PIAS2: variants seen among roughly 807,000 people sequenced by gnomAD.
PIAS2 encodes the protein protein inhibitor of activated STAT 2, also known as E3 SUMO-protein ligase PIAS2.
A neutral mutation model predicts 69.7 loss-of-function variants in PIAS2; 19 were observed. The ratio of observed to expected loss-of-function variants is 0.27; its 90% CI spans 0.19 to 0.40. The LOEUF is 0.40. PIAS2 is among the 10% of genes least tolerant of loss of function. PIAS2 has a pLI of 1.00. For missense variants in PIAS2, 624 were observed against 757.0 expected (o/e 0.82, Z 2.06); for synonymous variants, 261 against 263.2 (o/e 0.99, Z 0.08).
intron 10 of PIAS2, among the ~76,000 whole-genome samples, chr18:46,829,108 C>T (rs1364027115): frequency 2.6e-5 from 4 of 152,126 alleles, no homozygotes; most frequent in African/African-American, 7.2e-5. Flanking sequence ...TCTAAGTTCA[C>T]GTGTGGGTTT....
chr18:46,864,904 A>C (rs2145615222), intron 2 of PIAS2, among the ~76,000 whole-genome samples: 1 of 152,256 alleles, frequency 6.6e-6, no homozygotes, highest in Admixed American at 6.5e-5. Flanking sequence ...TCAAGAATTA[A>C]ATGTTTTTTG....
chr18:46,878,706 T>A (rs890830994), intron 2 of PIAS2, among the ~76,000 whole-genome samples: 3 of 152,092 alleles, frequency 2.0e-5, no homozygotes, highest in Non-Finnish European at 4.4e-5. Context: ...CCGTCTCTAA[T>A]AAAAATACAA....
intron 1 of PIAS2, among the ~76,000 whole-genome samples, chr18:46,909,266 C>G (rs1784783757): frequency 6.7e-6 from 1 of 149,548 alleles, no homozygotes; most frequent in African/African-American, 2.4e-5. Context: ...TGGGTAAAAA[C>G]TTTTTTTTTT....
chr18:46,846,341 T>C (rs952640136), intron 6 of PIAS2: 4 of 158,364 alleles, frequency 2.5e-5, no homozygotes, highest in African/African-American at 9.6e-5. Flanking sequence ...CATTTAACCA[T>C]TTCTCCCCCA....
chr18:46,835,127 T>C (rs537014741), intron 9 of PIAS2, among the ~76,000 whole-genome samples: 32 of 152,330 alleles, frequency 2.1e-4, no homozygotes, highest in Admixed American at 2.0e-3. Flanking sequence ...GCATGACATA[T>C]GTAACTCTCA....
At position 46,855,476 on chromosome 18, in the gene PIAS2, TCAAA is replaced by T. The variant is rs758715747; in HGVS notation, c.636-45_636-42del. 73 of 1,574,554 alleles carry T rather than the reference TCAAA, an allele frequency of 4.6e-5. 1 individual carries two copies. In the South Asian group the frequency reaches 7.9e-4, roughly 17 times the overall value. ...AAAAAAGTATTCTTAAATAGTGTGC[TCAAA>T]CATTCTTATATGTTTTAAAATTCAG... On this transcript the variant is annotated intron_variant, in intron 4 of 13. Coordinates refer to ENST00000585916, the MANE Select transcript of PIAS2 (RefSeq NM_004671.5).
chr18:46,916,292 C>T (rs749607980), intron 1 of PIAS2, among the ~76,000 whole-genome samples: 13 of 152,106 alleles, frequency 8.5e-5, no homozygotes, highest in Non-Finnish European at 1.9e-4. Flanking sequence ...GAACCTTTTA[C>T]CGGATTCCTC....
At chr18:46,886,417 TA>T (rs2053193960) in intron 2 of PIAS2, among the ~76,000 whole-genome samples, 1 of 152,150 alleles carries the variant, frequency 6.6e-6, no homozygotes, top group Admixed American at 6.5e-5. Flanking sequence ...AATGCCATGA[TA>T]AAGGAGGAAT....
In PIAS2 at chr18:46,812,587, C is replaced by T. The variant is rs1251083492; in HGVS notation, c.1712G>A (p.Ser571Asn). The T allele has an allele frequency of 1.9e-6, 3 of 1,612,962 alleles. No homozygotes were observed. Residue 571 changes from serine to asparagine, a missense_variant, in exon 14 of 14, where the codon AGT becomes AAT. This residue lies in a region of PIAS2 where 241 missense variants were observed against 257.3 expected (regional missense o/e 0.94). Transcript: ENST00000585916. ...PQYCPPMFLD[S>N]LTSPLTASST... ...GCTTGCTGTTAAGGGTGAGGTGAGA[C>T]TATCCAAAAACATAGGAGGACAGTA...
In PIAS2 at chr18:46,912,491, A is replaced by C. The variant is rs554857857; in HGVS notation, c.24+4831T>G. Among the ~76,000 whole-genome samples the C allele has an allele frequency of 7.2e-5, 11 of 152,344 alleles. No homozygotes were observed. In the South Asian group the frequency reaches 1.9e-3, roughly 26 times the overall value. On this transcript the variant is annotated intron_variant, in intron 1 of 13. Coordinates refer to ENST00000585916, the MANE Select transcript of PIAS2 (RefSeq NM_004671.5). ...TTGATCCAAGGTTGGTTGAAACCAA[A>C]GATAAGTCATTCACAGACATGAAGG...
At chr18:46,842,183 G>A (rs1214345261) in intron 8 of PIAS2, among the ~76,000 whole-genome samples, 1 of 148,466 alleles carries the variant, frequency 6.7e-6, no homozygotes, top group Admixed American at 6.9e-5. Flanking sequence ...CTGTGTTCAT[G>A]CTACTGCATT....
intron 2 of PIAS2, among the ~76,000 whole-genome samples, chr18:46,875,801 G>A (rs2051086919): frequency 6.6e-6 from 1 of 152,224 alleles, no homozygotes; most frequent in Non-Finnish European, 1.5e-5. Flanking sequence ...CCGCAGGCCA[G>A]AGGCCCAGAC....
rs879745694 is a variant in PIAS2 at position 46,808,124 on chromosome 18, G to A, written c.*4309C>T. 2 of 152,218 alleles carry A rather than the reference G, an allele frequency of 1.3e-5. No homozygotes were observed. The highest frequency in any genetic ancestry group is 2.9e-5 in the Non-Finnish European group (2 of 68,036). The allele number at this position is 152,218 out of a possible 1,614,324, so 9.4% of individuals were successfully genotyped here. On this transcript the variant is annotated 3_prime_UTR_variant, in exon 14 of 14. Coordinates refer to ENST00000585916, the MANE Select transcript of PIAS2 (RefSeq NM_004671.5). Reference sequence around the variant, plus strand: ...CATAAAATTAATAATAGTTGACACAGTTTTAATGACATGGAATAATGCCTG... The same window carrying A: ...CATAAAATTAATAATAGTTGACACAATTTTAATGACATGGAATAATGCCTG...
At chr18:46,818,066 C>T (rs2041756072) in intron 12 of PIAS2, 10 of 994,890 alleles carry the variant, frequency 1.0e-5, no homozygotes, top group Non-Finnish European at 1.2e-5. Flanking sequence ...GTAGTGTTAA[C>T]ATTATTTTAT....
At chr18:46,887,308 T>G (rs1465880684) in intron 2 of PIAS2, among the ~76,000 whole-genome samples, 2 of 149,994 alleles carry the variant, frequency 1.3e-5, no homozygotes, top group African/African-American at 4.9e-5. Context: ...CAGGCCATAC[T>G]AACCCCACTA....
chr18:46,846,667 T>G (rs771866933), intron 6 of PIAS2, 40 bp downstream of exon 6: 3 of 1,566,556 alleles, frequency 1.9e-6, no homozygotes, highest in Non-Finnish European at 2.6e-6. Flanking sequence ...CAACCCTCAG[T>G]GGGGTCACTG....
chr18:46,877,552 G>A (rs1003277386), intron 2 of PIAS2, among the ~76,000 whole-genome samples: 1 of 152,018 alleles, frequency 6.6e-6, no homozygotes, highest in South Asian at 2.1e-4. Flanking sequence ...TGCCTTTGCC[G>A]CGCCCTGACA....
intron 8 of PIAS2, among the ~76,000 whole-genome samples, chr18:46,842,897 A>T (rs963213733): frequency 6.6e-5 from 10 of 152,204 alleles, no homozygotes; most frequent in African/African-American, 2.4e-4. Context: ...TCAAAAAATT[A>T]TATTTCAATA....
intron 1 of PIAS2, among the ~76,000 whole-genome samples, chr18:46,897,816 T>C (rs2055134356): frequency 6.6e-6 from 1 of 151,998 alleles, no homozygotes; most frequent in African/African-American, 2.4e-5. Context: ...ATGTATACTA[T>C]GTTCTGTCAT....
Sources: allele counts gnomAD v4.1 joint callset (sites outside exome capture counted in the v4.1 genomes callset), GRCh38; gene constraint gnomAD v4.1.1; regional missense constraint gnomAD v4.1.1; transcripts MANE v1.5; gene names NCBI Gene and HGNC (gene_info 2026-07-23, HGNC 2026-07-21).